Variants in ZNF235 observed in about 807,000 individuals in gnomAD.
The protein encoded by ZNF235 is zinc finger protein 235.
ZNF235 carries 25 observed loss-of-function variants against 29.4 expected under a neutral mutation model. That is an observed-to-expected ratio of 0.85 (90% CI 0.62 to 1.19). The LOEUF is 1.19. Among genes scored for constraint, ZNF235 ranks in the 50% most tolerant of loss-of-function variants. ZNF235 has a pLI of 0.00. For synonymous variants in ZNF235, 300 were observed against 295.3 expected, an observed-to-expected ratio of 1.02 and a Z score of -0.16; for missense variants, 788 against 885.0, an observed-to-expected ratio of 0.89 and a Z score of 1.39.
chr19:44,291,194 A>T (rs1328665611), intron 4 of ZNF235, among the ~76,000 whole-genome samples: 1 of 152,232 alleles, frequency 6.6e-6, no homozygotes, highest in Non-Finnish European at 1.5e-5. Flanking sequence ...GAGTCAAGTC[A>T]TACAAAGGGT....
rs143894131 is a variant in ZNF235 at position 44,299,597 on chromosome 19, T to C, written c.142+9A>G. The C allele has an allele frequency of 1.4e-3, 2,277 of 1,610,818 alleles. 39 individuals carry two copies. In the African/African-American group the frequency reaches 0.026, roughly 18 times the overall value. On this transcript the variant is annotated intron_variant, in intron 3 of 4. Transcript: ENST00000291182. ...ACCCTGCTGAATTACAGAGGGTGCC[T>C]GTCCTTACCCACTGAAACCAGGTTC...
In ZNF235 at chr19:44,286,538, CT is replaced by C. The variant is rs1371571518; in HGVS notation, c.*679del. The C allele has an allele frequency of 4.6e-5, 7 of 152,354 alleles. No individual in the cohort carries two copies. The highest frequency in any genetic ancestry group is 6.5e-5 in the Admixed American group (1 of 15,308). 9.4% of individuals were successfully genotyped at this position (152,354 alleles called of 1,614,324 possible). On this transcript the variant is annotated 3_prime_UTR_variant, in exon 5 of 5. Coordinates refer to ENST00000291182, the MANE Select transcript of ZNF235 (RefSeq NM_004234.4). ...CATACTGTACACAACTGATGATACA[CT>C]GTACAAAGAACTAAGGCTGAAGGAT...
intron 4 of ZNF235, among the ~76,000 whole-genome samples, chr19:44,294,952 G>A (rs186264105): frequency 6.6e-6 from 1 of 152,076 alleles, no homozygotes; most frequent in Admixed American, 6.5e-5. Flanking sequence ...AATAATAAAA[G>A]CCATATATGA....
rs954492535 is a variant in ZNF235, at chr19:44,287,038, C to T, written c.*180G>A. On this transcript the variant is annotated 3_prime_UTR_variant, in exon 5 of 5. Transcript: ENST00000291182. Reference sequence around the variant, plus strand: ...GTTTTCTCGCATCTGTGAAATATGACGTTTGTAAAGAATTCATGTCCTAAC... The same window carrying T: ...GTTTTCTCGCATCTGTGAAATATGATGTTTGTAAAGAATTCATGTCCTAAC... 5.0e-6 allele frequency: 3 copies of T among 596,170 alleles called. No individual in the cohort carries two copies. Among genetic ancestry groups the T allele is most frequent in the Non-Finnish European group, 8.3e-6 (3 of 360,658 alleles). 36.9% of individuals were successfully genotyped at this position (596,170 alleles called of 1,614,324 possible). A position where few individuals can be genotyped will look rare whatever the true frequency, so the allele number is the denominator to read the frequency against.
In ZNF235 at chr19:44,298,880, T is replaced by C. The variant is rs921957939; in HGVS notation, c.166A>G (p.Met56Val). 1.9e-6 allele frequency: 3 copies of C among 1,613,860 alleles called. No individual in the cohort carries two copies. The highest frequency in any genetic ancestry group is 2.5e-6 in the Non-Finnish European group (3 of 1,179,748). Residue 56 changes from methionine to valine, a missense_variant, in exon 4 of 5, where the codon ATG (methionine) becomes GTG (valine). Met to Val is a conservative substitution (Grantham distance 21). Coordinates refer to ENST00000291182, the MANE Select transcript of ZNF235 (RefSeq NM_004234.4). ...TCTTCCCTCTCCAACTGGGATATCA[T>C]ATCTGGTTTGAAGGACTGATGTCCT... is the stretch of plus-strand genomic sequence containing the variant. ...SVGHQSFKPD[M>V]ISQLEREEKL...
rs1180088512 is a variant in ZNF235 at position 44,288,423 on chromosome 19, G to T, written c.1012C>A (p.Gln338Lys). 1 of 1,614,178 alleles carries T rather than the reference G, an allele frequency of 6.2e-7. No homozygotes were observed. Among genetic ancestry groups the T allele is most frequent in the South Asian group, 1.1e-5 (1 of 91,086 alleles). Reference sequence around the variant, plus strand: ...GGTTTCTCCCCTGTGTGGACTCTCTGATGAGTTTGCAGATTTGAGCTCTGA... The same window carrying T: ...GGTTTCTCCCCTGTGTGGACTCTCTTATGAGTTTGCAGATTTGAGCTCTGA... ...FSQSSNLQTH[Q>K]RVHTGEKPYT... Residue 338 changes from glutamine (Q) to lysine (K), a missense_variant, in exon 5 of 5, where the codon CAG becomes AAG. By Grantham distance (53) the Gln-to-Lys change is moderately conservative (BLOSUM62 1). Coordinates refer to ENST00000291182, the MANE Select transcript of ZNF235 (RefSeq NM_004234.4).
intron 2 of ZNF235, among the ~76,000 whole-genome samples, chr19:44,302,631 C>T (rs995947113): frequency 5.3e-5 from 8 of 151,144 alleles, no homozygotes; most frequent in African/African-American, 1.5e-4. Context: ...GGTGTGTGCC[C>T]GTGGTCCCAC....
chr19:44,288,605 C>T lies in ZNF235; in HGVS notation c.830G>A (p.Ser277Asn). 3 of 1,614,080 alleles carry T rather than the reference C, an allele frequency of 1.9e-6. No homozygotes were observed. Among genetic ancestry groups the T allele is most frequent in the Non-Finnish European group, 2.5e-6 (3 of 1,179,982 alleles). ...ECEEAFNDSS[S>N]LELHKQVHLG... ...GTGTACCTGTTTATGAAGTTCAAGA[C>T]TGGAGCTATCATTGAAGGCTTCTTC... is the stretch of plus-strand genomic sequence containing the variant. Residue 277 changes from serine (S) to asparagine (N), a missense_variant, in exon 5 of 5, where the codon AGT becomes AAT. Physicochemically the swap from Ser to Asn is conservative, Grantham distance 46. Coordinates refer to ENST00000291182, the MANE Select transcript of ZNF235 (RefSeq NM_004234.4).
intron 2 of ZNF235, among the ~76,000 whole-genome samples, chr19:44,303,014 ATTTATAT>A (rs1975772875): frequency 7.2e-6 from 1 of 138,372 alleles, no homozygotes; most frequent in East Asian, 2.0e-4. Flanking sequence ...ATACGTATAT[ATTTATAT>A]AAAATATACG....
chr19:44,303,530 G>A, intron 1 of ZNF235, 78 bp from the exon 2 acceptor site: 1 of 1,328,738 alleles, frequency 7.5e-7, no homozygotes, highest in East Asian at 2.6e-5. Flanking sequence ...ACACTTCAGA[G>A]AAAGGTCCCC....
intron 4 of ZNF235, 90 bp from the exon 5 acceptor site, chr19:44,289,286 T>C (rs879586627): frequency 2.4e-6 from 3 of 1,246,950 alleles, no homozygotes; most frequent in Non-Finnish European, 3.2e-6. Context: ...ATTTTCCCCA[T>C]GGAAACGTCA....
chr19:44,305,023 T>A lies in ZNF235; in HGVS notation c.-101A>T. ...CTCGCCTTCCTGGAGCGGAAGTGCCTCCGAGTGCCCACGGTTCGTGGACTC... is the reference window on the plus strand; with the variant it reads ...CTCGCCTTCCTGGAGCGGAAGTGCCACCGAGTGCCCACGGTTCGTGGACTC... On this transcript the variant is annotated 5_prime_UTR_variant, in exon 1 of 5. Coordinates refer to ENST00000291182, the MANE Select transcript of ZNF235 (RefSeq NM_004234.4). 1.2e-6 allele frequency: 1 copy of A among 822,954 alleles called. No homozygotes were observed. The highest frequency in any genetic ancestry group is 1.5e-6 in the Non-Finnish European group (1 of 681,560). The allele number at this position is 822,954 out of a possible 1,614,324, so 51.0% of individuals were successfully genotyped here. A position where few individuals can be genotyped will look rare whatever the true frequency, so the allele number is the denominator to read the frequency against.
At chr19:44,302,920 ATTTGTATG>A (rs1568647446) in intron 2 of ZNF235, among the ~76,000 whole-genome samples, 19 of 139,376 alleles carry the variant, frequency 1.4e-4, no homozygotes, top group African/African-American at 5.0e-4. Context: ...ATACGTATAT[ATTTGTATG>A]TATTTATATA....
At position 44,299,687 on chromosome 19, in the gene ZNF235, C is replaced by G. The variant is rs747786473; in HGVS notation, c.61G>C (p.Glu21Gln). ...KDVAVAFTEE[E>Q]LGLLDSAQRK... ...TGGGCAGAGTCCAGCAGCCCCAGCT[C>G]CTCCTCAGTGAAGGCCACAGCCACA... Residue 21 changes from glutamate (E) to glutamine (Q), a missense_variant, in exon 3 of 5, where the codon GAG (glutamate) becomes CAG (glutamine). Physicochemically the swap from Glu to Gln is conservative, Grantham distance 29 (BLOSUM62 2). Coordinates refer to ENST00000291182, the MANE Select transcript of ZNF235 (RefSeq NM_004234.4). 1 of 1,614,142 alleles carries G rather than the reference C, an allele frequency of 6.2e-7. No homozygotes were observed. Among genetic ancestry groups the G allele is most frequent in the Admixed American group, 1.7e-5 (1 of 60,020 alleles).
chr19:44,287,039 G>T lies in ZNF235; in HGVS notation c.*179C>A. On this transcript the variant is annotated 3_prime_UTR_variant, in exon 5 of 5. Coordinates refer to ENST00000291182, the MANE Select transcript of ZNF235 (RefSeq NM_004234.4). ...TTTTCTCGCATCTGTGAAATATGACGTTTGTAAAGAATTCATGTCCTAACC... is the reference window on the plus strand; with the variant it reads ...TTTTCTCGCATCTGTGAAATATGACTTTTGTAAAGAATTCATGTCCTAACC... 1.7e-6 allele frequency: 1 copy of T among 601,956 alleles called. No individual in the cohort carries two copies. The highest frequency in any genetic ancestry group is 2.7e-6 in the Non-Finnish European group (1 of 365,900). The allele number at this position is 601,956 out of a possible 1,614,324, so 37.3% of individuals were successfully genotyped here.
At position 44,304,965 on chromosome 19, in the gene ZNF235, ACTCAC is replaced by A. The variant is rs1245545552; in HGVS notation, c.-49+1_-49+5del. Reference sequence around the variant, plus strand: ...GAGAAGTCTTGGAGACCCGGAGCTGACTCACCTCCCTGGGAGATATCTCAGATCCG... The same window carrying A: ...GAGAAGTCTTGGAGACCCGGAGCTGACTCCCTGGGAGATATCTCAGATCCG... On this transcript the variant is annotated splice_donor_variant and splice_donor_5th_base_variant and intron_variant, in intron 1 of 4. Coordinates refer to ENST00000291182, the MANE Select transcript of ZNF235 (RefSeq NM_004234.4). LOFTEE classifies it low-confidence loss of function (5UTR_SPLICE). The A allele has an allele frequency of 4.1e-6, 4 of 983,954 alleles. No homozygotes were observed. The highest frequency in any genetic ancestry group is 1.7e-5 in the African/African-American group (1 of 57,154). 61.0% of individuals were successfully genotyped at this position (983,954 alleles called of 1,614,324 possible). A position where few individuals can be genotyped will look rare whatever the true frequency, so the allele number is the denominator to read the frequency against.
chr19:44,298,865 C>T lies in ZNF235; in HGVS notation c.181G>A (p.Glu61Lys), dbSNP rs776994181. 1.6e-5 allele frequency: 26 copies of T among 1,613,898 alleles called. No individual in the cohort carries two copies. Among genetic ancestry groups the T allele is most frequent in the Non-Finnish European group, 8.5e-7 (1 of 1,179,926 alleles). ...TTCATCCAAAGCTTTTCTTCCCTCT[C>T]CAACTGGGATATCATATCTGGTTTG... ...SFKPDMISQL[E>K]REEKLWMKEL... is the part of the protein sequence containing the mutation. Residue 61 changes from glutamate (E) to lysine (K), a missense_variant, in exon 4 of 5, where the codon GAG becomes AAG. Coordinates refer to ENST00000291182, the MANE Select transcript of ZNF235 (RefSeq NM_004234.4).
intron 3 of ZNF235, among the ~76,000 whole-genome samples, chr19:44,299,265 C>T (rs1356642981): frequency 6.6e-6 from 1 of 152,020 alleles, no homozygotes; most frequent in Admixed American, 6.6e-5. Context: ...ATTTACTGAC[C>T]CACCAATGGA....
chr19:44,292,342 A>T (rs955312292), intron 4 of ZNF235, among the ~76,000 whole-genome samples: 2 of 151,992 alleles, frequency 1.3e-5, no homozygotes, highest in Non-Finnish European at 2.9e-5. Context: ...TCAATTCAGG[A>T]TATGAATGAG....
Sources: gnomAD v4.1 joint callset for allele counts (sites outside exome capture counted in the v4.1 genomes callset) on GRCh38, gnomAD v4.1.1 for gene constraint, MANE v1.5 for transcripts, NCBI Gene and HGNC (gene_info 2026-07-23, HGNC 2026-07-21) for gene names.